The following OSTN variants were observed in gnomAD, a reference collection of about 807,000 sequenced individuals.
OSTN encodes osteocrin.
OSTN carries 9 observed loss-of-function variants against 12.0 expected under a neutral mutation model. That is an observed-to-expected ratio of 0.75 (90% CI 0.45 to 1.30). OSTN has a LOEUF of 1.30. OSTN is among the 50% of genes most tolerant of loss of function. The pLI is 0.00. For synonymous variants in OSTN, 59 were observed against 56.9 expected (o/e 1.04, Z -0.16); for missense variants, 148 against 152.3 (o/e 0.97, Z 0.15).
chr3:191,256,771 T>A (rs1560126304), intron 4 of OSTN, among the ~76,000 whole-genome samples: 1 of 151,736 alleles, frequency 6.6e-6, no homozygotes, highest in Admixed American at 6.6e-5. Flanking sequence ...CTAATTTTAA[T>A]AAGTTTATAA....
At chr3:191,202,635 G>A (rs962534260) in intron 1 of OSTN, among the ~76,000 whole-genome samples, 6 of 152,070 alleles carry the variant, frequency 3.9e-5, no homozygotes, top group Admixed American at 3.3e-4. Context: ...CAGTGAAGGG[G>A]GTCGTGAAAT....
chr3:191,229,273 A>T (rs1425671553), intron 3 of OSTN, among the ~76,000 whole-genome samples: 1 of 152,258 alleles, frequency 6.6e-6, no homozygotes, highest in East Asian at 1.9e-4. Flanking sequence ...GTCCTGATTC[A>T]AACAATAATC....
intron 1 of OSTN, among the ~76,000 whole-genome samples, chr3:191,211,346 G>T (rs1714412365): frequency 1.3e-5 from 2 of 152,066 alleles, no homozygotes; most frequent in African/African-American, 4.8e-5. Context: ...ATGTATTTAA[G>T]TCATTTACTT....
In OSTN at chr3:191,258,790, C is replaced by T. The variant is rs750381504; in HGVS notation, c.*13-4076C>T. Among the ~76,000 whole-genome samples the T allele has an allele frequency of 3.9e-5, 6 of 152,094 alleles. 1 individual carries two copies. The highest frequency in any genetic ancestry group is 8.8e-5 in the Non-Finnish European group (6 of 68,010). Reference sequence around the variant, plus strand: ...ATTTTTCTGGGTGTTTAAACCGCACCGTTGTTCATCTAATGTGCAAATGAG... The same window carrying T: ...ATTTTTCTGGGTGTTTAAACCGCACTGTTGTTCATCTAATGTGCAAATGAG... On this transcript the variant is annotated intron_variant, in intron 4 of 4. Transcript: ENST00000682035.
In OSTN at chr3:191,214,449, A is replaced by C. The variant is rs887536426; in HGVS notation, c.102+1815A>C. 8.0e-5 allele frequency among the ~76,000 whole-genome samples: 12 copies of C among 149,454 alleles called. No individual in the cohort carries two copies. The East Asian group carries it at 1.3e-3, about 16-fold the overall frequency. On this transcript the variant is annotated intron_variant, in intron 2 of 4. Transcript: ENST00000682035. Reference sequence around the variant, plus strand: ...GAGACTCCATCTCAAAAAAAAAAAAAAAAAAAAAAAAAACAGCAACAAAAA... The same window carrying C: ...GAGACTCCATCTCAAAAAAAAAAAACAAAAAAAAAAAAACAGCAACAAAAA...
At chr3:191,201,620 T>TA (rs1233043843) in intron 1 of OSTN, among the ~76,000 whole-genome samples, 1 of 152,130 alleles carries the variant, frequency 6.6e-6, no homozygotes, top group Non-Finnish European at 1.5e-5. Flanking sequence ...TATAGAAATA[T>TA]TATGACTCAA....
At chr3:191,259,499 A>ATTTT (rs34400942) in intron 4 of OSTN, among the ~76,000 whole-genome samples, 3 of 149,418 alleles carry the variant, frequency 2.0e-5, no homozygotes, top group Admixed American at 2.0e-4. Flanking sequence ...CCTTGCCTGG[A>ATTTT]TTTTTTTTTT....
At chr3:191,208,898 C>T (rs149738563) in intron 1 of OSTN, among the ~76,000 whole-genome samples, 1,797 of 152,314 alleles carry the variant, frequency 0.012, 25 homozygotes, top group South Asian at 0.028. Context: ...TGGCTCACGC[C>T]TATAATCCCA....
chr3:191,208,183 G>C (rs150599098), intron 1 of OSTN, among the ~76,000 whole-genome samples: 1 of 152,036 alleles, frequency 6.6e-6, no homozygotes, highest in African/African-American at 2.4e-5. Flanking sequence ...GTGCATTCAC[G>C]CAATCAATGA....
At chr3:191,219,637 GT>G (rs1437507361) in intron 3 of OSTN, among the ~76,000 whole-genome samples, 1 of 152,098 alleles carries the variant, frequency 6.6e-6, no homozygotes, top group Non-Finnish European at 1.5e-5. Context: ...TCCAAACTTA[GT>G]TCATTTTCTA....
At chr3:191,236,425 C>G (rs959113860) in intron 3 of OSTN, among the ~76,000 whole-genome samples, 44 of 151,984 alleles carry the variant, frequency 2.9e-4, no homozygotes, top group African/African-American at 9.7e-4. Context: ...AAAGTGAAAG[C>G]AATTTTATTA....
chr3:191,262,850 A>G lies in OSTN; in HGVS notation c.*13-16A>G. 2.8e-6 allele frequency: 2 copies of G among 701,822 alleles called. No homozygotes were observed. The highest frequency in any genetic ancestry group is 2.6e-6 in the Non-Finnish European group (1 of 384,212). The allele number at this position is 701,822 out of a possible 1,614,324, so 43.5% of individuals were successfully genotyped here. A position where few individuals can be genotyped will look rare whatever the true frequency, so the allele number is the denominator to read the frequency against. On this transcript the variant is annotated splice_polypyrimidine_tract_variant and intron_variant, in intron 4 of 4. Transcript: ENST00000682035. ...GTTCTCATTAGCTTTAACAATCTCA[A>G]CTTTCGTTTTTGCAGATGCAACTTC... is the stretch of plus-strand genomic sequence containing the variant.
chr3:191,245,641 G>A (rs569818081), intron 3 of OSTN, among the ~76,000 whole-genome samples: 3 of 152,158 alleles, frequency 2.0e-5, no homozygotes, highest in Non-Finnish European at 4.4e-5. Context: ...ATTTGATTGA[G>A]CAGGGAAAGA....
intron 3 of OSTN, among the ~76,000 whole-genome samples, chr3:191,222,549 C>T (rs1714794284): frequency 6.6e-6 from 1 of 152,180 alleles, no homozygotes; most frequent in Non-Finnish European, 1.5e-5. Flanking sequence ...TTTTCAGGCT[C>T]ATAGGCAGAA....
chr3:191,249,419 G>A lies in OSTN; in HGVS notation c.318-618G>A, dbSNP rs565033315. 2.6e-5 allele frequency among the ~76,000 whole-genome samples: 4 copies of A among 152,286 alleles called. No individual in the cohort carries two copies. In the East Asian group the frequency reaches 7.7e-4, roughly 29 times the overall value. ...TATATTAGACCTTTGGTAGTACTGTGTGGACTTTTTATACTTCATTTTAAT... is the reference window on the plus strand; with the variant it reads ...TATATTAGACCTTTGGTAGTACTGTATGGACTTTTTATACTTCATTTTAAT... On this transcript the variant is annotated intron_variant, in intron 3 of 4. Transcript: ENST00000682035.
chr3:191,263,962 T>C lies in OSTN; in HGVS notation c.*1109T>C, dbSNP rs1250422499. 6.6e-6 allele frequency: 1 copy of C among 152,072 alleles called. No homozygotes were observed. Among genetic ancestry groups the C allele is most frequent in the East Asian group, 1.9e-4 (1 of 5,202 alleles). The allele number at this position is 152,072 out of a possible 1,614,324, so 9.4% of individuals were successfully genotyped here. On this transcript the variant is annotated 3_prime_UTR_variant, in exon 5 of 5. Transcript: ENST00000682035. ...CTTTGAAAACACACAAAAAAAACTT[T>C]CTATGGAACAGAGATTCATCATAAG...
chr3:191,258,648 T>TA (rs1178352926), intron 4 of OSTN, among the ~76,000 whole-genome samples: 1 of 143,034 alleles, frequency 7.0e-6, no homozygotes, highest in Non-Finnish European at 1.5e-5. Flanking sequence ...TTCCAGGACT[T>TA]AAAGTATAAT....
At chr3:191,221,345 TGGGTAACA>T (rs1417529048) in intron 3 of OSTN, among the ~76,000 whole-genome samples, 2 of 151,972 alleles carry the variant, frequency 1.3e-5, no homozygotes, top group Non-Finnish European at 2.9e-5. Context: ...ACTTTAGAAC[TGGGTAACA>T]GGCAGAGGTT....
intron 3 of OSTN, among the ~76,000 whole-genome samples, chr3:191,230,738 G>T (rs1289804382): frequency 6.6e-6 from 1 of 152,134 alleles, no homozygotes; most frequent in Non-Finnish European, 1.5e-5. Context: ...CCTCTGGAAC[G>T]TGCAGTGCAG....
Sources: gnomAD v4.1 joint callset for allele counts (sites outside exome capture counted in the v4.1 genomes callset) on GRCh38, gnomAD v4.1.1 for gene constraint, MANE v1.5 for transcripts, NCBI Gene and HGNC (gene_info 2026-07-23, HGNC 2026-07-21) for gene names.